USP35: variants seen among roughly 807,000 people sequenced by gnomAD.
The protein encoded by USP35 is ubiquitin specific peptidase 35, also known as ubiquitin carboxyl-terminal hydrolase 35.
A neutral mutation model predicts 83.8 loss-of-function variants in USP35; 69 were observed. The ratio of observed to expected loss-of-function variants is 0.82; its 90% confidence interval spans 0.68 to 1.01. The LOEUF (loss-of-function observed/expected upper bound fraction) is 1.01, where lower values mean the gene tolerates loss of function less well. Ranked by LOEUF, USP35 falls within the 50% of genes least tolerant of loss-of-function variation. The pLI is 0.00. For synonymous variants in USP35, 714 were observed against 589.5 expected (o/e 1.21, Z -3.06); for missense variants, 1,503 against 1,362.5 (o/e 1.10, Z -1.62).
rs1416928366 is a variant in USP35 at position 78,207,756 on chromosome 11, G to T, written c.1485+133G>T. 3.2e-6 allele frequency: 3 copies of T among 932,586 alleles called. No individual in the cohort carries two copies. The East Asian group carries it at 7.9e-5, about 24-fold the overall frequency. 57.8% of individuals were successfully genotyped at this position (932,586 alleles called of 1,614,324 possible). On this transcript the variant is annotated intron_variant, in intron 8 of 10. Transcript: ENST00000529308. ...CATGTCAGTTGCTGAGCCCCTGGCCGGGCTGGCATATGGAACTGATTTAGT... is the reference window on the plus strand; with the variant it reads ...CATGTCAGTTGCTGAGCCCCTGGCCTGGCTGGCATATGGAACTGATTTAGT...
chr11:78,207,784 C>T (rs917255278), intron 8 of USP35, among the ~76,000 whole-genome samples, 161 bp downstream of exon 8: 8 of 152,236 alleles, frequency 5.3e-5, no homozygotes, highest in African/African-American at 1.9e-4. Flanking sequence ...GATTTAGTGC[C>T]CTGCTGGGGC....
chr11:78,222,304 C>T, the USP35 span: 24 of 716,324 alleles, frequency 3.4e-5, no homozygotes, highest in Admixed American at 3.7e-4. Flanking sequence ...AAAGTCATTC[C>T]AGTTTCACAC....
the USP35 span, chr11:78,222,198 G>A: frequency 6.2e-7 from 1 of 1,609,340 alleles, no homozygotes; most frequent in Non-Finnish European, 8.5e-7. Flanking sequence ...TGGCTTTGCT[G>A]GAGCAGGAAA....
Position 78,205,984 on chromosome 11 carries a change from G to T in USP35, c.1340G>T (p.Gly447Val). The T allele has an allele frequency of 6.2e-7, 1 of 1,614,258 alleles. No individual in the cohort carries two copies. The highest frequency in any genetic ancestry group is 8.5e-7 in the Non-Finnish European group (1 of 1,180,034). Residue 447 changes from glycine to valine, a missense_variant, in exon 7 of 11, where the codon GGC becomes GTC. Physicochemically the swap from Gly to Val is moderately radical, Grantham distance 109. Transcript: ENST00000529308. Reference sequence around the variant, plus strand: ...GGCAAGATTGGTCTCATCAACCTGGGCAACACATGCTATGTCAACAGCATC... The same window carrying T: ...GGCAAGATTGGTCTCATCAACCTGGTCAACACATGCTATGTCAACAGCATC... ...DTGKIGLINL[G>V]NTCYVNSILQ...
intron 1 of USP35, among the ~76,000 whole-genome samples, chr11:78,195,905 GTTTT>G (rs748031737): frequency 6.6e-6 from 1 of 152,092 alleles, no homozygotes; most frequent in African/African-American, 2.4e-5. Flanking sequence ...TAATGTTTGT[GTTTT>G]TTGTAGAGAC....
rs1251578157 is a variant in USP35, at chr11:78,215,017, A to ATGTCACAGACCCTC, written c.*1205_*1218dup. Among the ~76,000 whole-genome samples the ATGTCACAGACCCTC allele has an allele frequency of 2.0e-5, 3 of 152,086 alleles. No homozygotes were observed. Among genetic ancestry groups the ATGTCACAGACCCTC allele is most frequent in the Non-Finnish European group, 4.4e-5 (3 of 68,000 alleles). ...GATGGTGGTGTGGAGTTTGGGCCCA[A>ATGTCACAGACCCTC]TGTCACAGACCCTCAAGATGTCACA... On this transcript the variant is annotated 3_prime_UTR_variant, in exon 11 of 11. Coordinates refer to ENST00000529308, the MANE Select transcript of USP35 (RefSeq NM_020798.4).
the USP35 span, among the ~76,000 whole-genome samples, chr11:78,224,617 G>C: frequency 6.6e-6 from 1 of 152,176 alleles, no homozygotes; most frequent in South Asian, 2.1e-4. Context: ...CAGTGGGCCT[G>C]AAGCCAGGCC....
chr11:78,200,903 C>T (rs1335532516), intron 6 of USP35, 95 bp downstream of exon 6: 15 of 1,482,824 alleles, frequency 1.0e-5, no homozygotes, highest in Non-Finnish European at 1.3e-5. Context: ...GGTGGCAGTC[C>T]CCGTCATTTG....
In USP35 at chr11:78,209,670, C is replaced by A; in HGVS notation, c.1815C>A (p.Arg605=). 1 of 1,614,034 alleles carries A rather than the reference C, an allele frequency of 6.2e-7. No individual in the cohort carries two copies. Among genetic ancestry groups the A allele is most frequent in the Non-Finnish European group, 8.5e-7 (1 of 1,179,944 alleles). The change falls in exon 10 of 11, where the codon CGC becomes CGA. Residue 605 remains arginine (R), a synonymous_variant. Coordinates refer to ENST00000529308, the MANE Select transcript of USP35 (RefSeq NM_020798.4). ...DLSLAFPPPE[R]CRRRRLGSVM... is the part of the protein sequence containing the mutation. ...CTCTCGCCTTCCCTCCTCCTGAGCGCTGTCGCCGCCGCCGCCTGGGCTCTG... is the reference window on the plus strand; with the variant it reads ...CTCTCGCCTTCCCTCCTCCTGAGCGATGTCGCCGCCGCCGCCTGGGCTCTG...
chr11:78,197,199 G>T, intron 2 of USP35, among the ~76,000 whole-genome samples: 1 of 144,444 alleles, frequency 6.9e-6, no homozygotes, highest in South Asian at 2.4e-4. Flanking sequence ...AGGGAGGAAC[G>T]GGAAGTTGAG....
the USP35 span, chr11:78,223,559 T>C: frequency 6.2e-7 from 1 of 1,613,892 alleles, no homozygotes; most frequent in Non-Finnish European, 8.5e-7. Flanking sequence ...ATGTAGACGC[T>C]CTGGGAATTA....
intron 6 of USP35, among the ~76,000 whole-genome samples, chr11:78,204,558 C>G (rs1863476737): frequency 1.3e-5 from 2 of 152,086 alleles, no homozygotes; most frequent in African/African-American, 2.4e-5. Flanking sequence ...TGATTTTGTT[C>G]CTAGCATGGA....
At chr11:78,210,997 C>T (rs557755202) in intron 10 of USP35, among the ~76,000 whole-genome samples, 2 of 152,280 alleles carry the variant, frequency 1.3e-5, no homozygotes, top group South Asian at 4.1e-4. Flanking sequence ...AGATTTGTTA[C>T]TTAAACGTGT....
At chr11:78,218,540 T>C (rs1378058990), downstream of USP35, 1 of 152,924 alleles carries the variant, frequency 6.5e-6, no homozygotes, top group Non-Finnish European at 1.5e-5. Flanking sequence ...TGCTCCTTGC[T>C]GCTCTAGGTT....
the USP35 span, among the ~76,000 whole-genome samples, chr11:78,229,954 T>A: frequency 6.6e-6 from 1 of 152,368 alleles, no homozygotes; most frequent in East Asian, 1.9e-4. Flanking sequence ...ATTGCTTAAC[T>A]TAATCACTTG....
In USP35 at chr11:78,210,595, C is replaced by T. The variant is rs1443055462; in HGVS notation, c.2740C>T (p.Pro914Ser). The T allele has an allele frequency of 1.2e-6, 2 of 1,614,044 alleles. No individual in the cohort carries two copies. The highest frequency in any genetic ancestry group is 1.7e-6 in the Non-Finnish European group (2 of 1,179,974). Residue 914 changes from proline to serine, a missense_variant, in exon 10 of 11, where the codon CCT becomes TCT. Transcript: ENST00000529308. ...TGTCAGCAACGTCACCTCCTTCTTC[C>T]CTAAGGACACAGCCTATGTGCTGTT... ...ESVSNVTSFF[P>S]KDTAYVLFYR... is the part of the protein sequence containing the mutation.
intron 7 of USP35, among the ~76,000 whole-genome samples, chr11:78,206,634 T>A (rs1039278266): frequency 6.6e-6 from 1 of 152,260 alleles, no homozygotes; most frequent in Admixed American, 6.5e-5. Flanking sequence ...GGACTAGTTT[T>A]GTTTTTCTTT....
In USP35 at chr11:78,210,159, C is replaced by G; in HGVS notation, c.2304C>G (p.Phe768Leu). 1 of 1,613,720 alleles carries G rather than the reference C, an allele frequency of 6.2e-7. No homozygotes were observed. The part of the protein sequence containing the change: ...SRSVLDLVNY[F>L]LSPEKLTAEN... ...CCGTCCTGGACCTGGTTAACTACTT[C>G]CTGTCCCCCGAGAAGCTGACAGCAG... Residue 768 changes from phenylalanine to leucine, a missense_variant, in exon 10 of 11, where the codon TTC (phenylalanine) becomes TTG (leucine). Coordinates refer to ENST00000529308, the MANE Select transcript of USP35 (RefSeq NM_020798.4).
intron 6 of USP35, among the ~76,000 whole-genome samples, chr11:78,204,997 A>G (rs372552767): frequency 6.2e-4 from 94 of 152,346 alleles, no homozygotes; most frequent in African/African-American, 2.2e-3. Flanking sequence ...AGGATCTGGA[A>G]ACAAGAACAG....
Sources: allele counts gnomAD v4.1 joint callset (sites outside exome capture counted in the v4.1 genomes callset), GRCh38; gene constraint gnomAD v4.1.1; transcripts MANE v1.5; gene names NCBI Gene and HGNC (gene_info 2026-07-23, HGNC 2026-07-21).